Variants in PICALM observed in about 807,000 individuals in gnomAD.
PICALM encodes phosphatidylinositol-binding clathrin assembly protein.
In PICALM, 40 loss-of-function variants were observed where a neutral mutation model predicts 80.5. That is an observed-to-expected ratio of 0.50 (90% CI 0.39 to 0.65). The LOEUF (loss-of-function observed/expected upper bound fraction) is 0.65, where lower values mean the gene tolerates loss of function less well. Ranked by LOEUF, PICALM falls within the 30% of genes least tolerant of loss-of-function variation. The pLI, the probability that PICALM is intolerant of heterozygous loss-of-function variation, is 0.00. For missense variants in PICALM, 676 were observed against 778.9 expected, an observed-to-expected ratio of 0.87 and a Z score of 1.57; for synonymous variants, 288 against 260.3, an observed-to-expected ratio of 1.11 and a Z score of -1.02.
intron 17 of PICALM, chr11:85,978,179 AT>A: frequency 1.8e-6 from 2 of 1,127,820 alleles, no homozygotes; most frequent in Non-Finnish European, 2.7e-6. Context: ...CACAGAGAGC[AT>A]TTTAGTTCAC....
intron 1 of PICALM, among the ~76,000 whole-genome samples, chr11:86,060,253 G>A (rs1034696642): frequency 5.3e-5 from 8 of 152,052 alleles, no homozygotes; most frequent in African/African-American, 1.9e-4. Flanking sequence ...TAAAATTGAG[G>A]AGCCAAGAGC....
rs1436093817 is a variant in PICALM, at chr11:86,035,339, A to G, written c.131-3728T>C. Among the ~76,000 whole-genome samples, 7 of 152,332 alleles carry G rather than the reference A, an allele frequency of 4.6e-5. No individual in the cohort carries two copies. In the South Asian group the frequency reaches 1.0e-3, roughly 23 times the overall value. Reference sequence around the variant, plus strand: ...TCAGGGTTCACTTCTACAGCAAGTCAGGCAACCCAGCCAGTGGCCTGTGCC... The same window carrying G: ...TCAGGGTTCACTTCTACAGCAAGTCGGGCAACCCAGCCAGTGGCCTGTGCC... On this transcript the variant is annotated intron_variant, in intron 1 of 19. Coordinates refer to ENST00000393346, the MANE Select transcript of PICALM (RefSeq NM_007166.4).
At chr11:85,975,295 A>T (rs1403840715) in intron 18 of PICALM, among the ~76,000 whole-genome samples, 1 of 97,356 alleles carries the variant, frequency 1.0e-5, no homozygotes, top group Non-Finnish European at 2.4e-5. Context: ...ATTTTATTTC[A>T]TATAAGAATC....
intron 12 of PICALM, among the ~76,000 whole-genome samples, chr11:85,990,906 AG>A (rs2094750947): frequency 6.6e-6 from 1 of 152,198 alleles, no homozygotes; most frequent in Non-Finnish European, 1.5e-5. Context: ...ATAAAGATGA[AG>A]AAAAAAATCT....
intron 13 of PICALM, 55 bp downstream of exon 13, chr11:85,990,195 A>G (rs2094719155): frequency 1.0e-6 from 1 of 977,808 alleles, no homozygotes; most frequent in African/African-American, 1.6e-5. Context: ...GACACGTAAA[A>G]TATAGTTAGG....
chr11:85,982,343 T>TA (rs1420513851), intron 14 of PICALM, among the ~76,000 whole-genome samples: 3 of 150,500 alleles, frequency 2.0e-5, no homozygotes, highest in Non-Finnish European at 4.4e-5. Flanking sequence ...CACTTATATC[T>TA]AAAGCAATAT....
intron 11 of PICALM, among the ~76,000 whole-genome samples, chr11:85,999,070 A>G (rs1446031187): frequency 6.6e-6 from 1 of 152,236 alleles, no homozygotes; most frequent in Non-Finnish European, 1.5e-5. Context: ...CACCTCAAAC[A>G]TTCATCATTT....
At chr11:86,040,038 TAA>T (rs1313372728) in intron 1 of PICALM, among the ~76,000 whole-genome samples, 2 of 114,140 alleles carry the variant, frequency 1.8e-5, no homozygotes, top group Non-Finnish European at 3.9e-5. Flanking sequence ...GGCAACAAAA[TAA>T]AGTTATGTTG....
At chr11:85,981,329 G>C in intron 16 of PICALM, 101 bp from the exon 17 acceptor site, 1 of 703,618 alleles carries the variant, frequency 1.4e-6, no homozygotes, top group South Asian at 1.8e-5. Flanking sequence ...CTTGAGGCTG[G>C]GCGTGGTGGC....
At chr11:85,962,341 T>C (rs1188801354) in intron 19 of PICALM, among the ~76,000 whole-genome samples, 1 of 152,208 alleles carries the variant, frequency 6.6e-6, no homozygotes, top group Non-Finnish European at 1.5e-5. Context: ...CTGAAGCAGA[T>C]TTTCTTTTTC....
intron 19 of PICALM, among the ~76,000 whole-genome samples, chr11:85,970,402 C>A (rs956436535): frequency 6.6e-6 from 1 of 152,130 alleles, no homozygotes; most frequent in Non-Finnish European, 1.5e-5. Flanking sequence ...AGCATGGAAT[C>A]GAAGAACTTG....
In PICALM at chr11:86,000,742, G is replaced by A. The variant is rs1319107512; in HGVS notation, c.1055C>T (p.Thr352Ile). 1.9e-6 allele frequency: 3 copies of A among 1,613,010 alleles called. No homozygotes were observed. Among genetic ancestry groups the A allele is most frequent in the African/African-American group, 1.3e-5 (1 of 74,998 alleles). ...RLKELAKKPH[T>I]SLTTAASPVS... ...AGGAGAGGCTGCAGTTGTTAAAGAGGTATGAGGTTTCTTTGCAAGTTCTTT... is the reference window on the plus strand; with the variant it reads ...AGGAGAGGCTGCAGTTGTTAAAGAGATATGAGGTTTCTTTGCAAGTTCTTT... The change falls in exon 11 of 20, where the codon ACC becomes ATC. Residue 352 changes from threonine (T) to isoleucine (I), a missense_variant. Coordinates refer to ENST00000393346, the MANE Select transcript of PICALM (RefSeq NM_007166.4).
At chr11:85,992,473 C>A (rs1040009044) in intron 12 of PICALM, among the ~76,000 whole-genome samples, 2 of 151,652 alleles carry the variant, frequency 1.3e-5, no homozygotes, top group East Asian at 3.9e-4. Flanking sequence ...TTAGTAGAGA[C>A]GGGGGTTTCA....
chr11:86,053,093 T>C (rs1211480327), intron 1 of PICALM, among the ~76,000 whole-genome samples: 1 of 152,238 alleles, frequency 6.6e-6, no homozygotes, highest in Non-Finnish European at 1.5e-5. Context: ...GCTATCTGCA[T>C]ACGTCATCTA....
rs2094719052 is a variant in PICALM at position 85,990,191 on chromosome 11, T to TA, written c.1408+58dup. The TA allele has an allele frequency of 3.2e-6, 3 of 938,966 alleles. No individual in the cohort carries two copies. In the African/African-American group the frequency reaches 4.9e-5, roughly 15 times the overall value. 58.2% of individuals were successfully genotyped at this position (938,966 alleles called of 1,614,324 possible). On this transcript the variant is annotated intron_variant, in intron 13 of 19. Transcript: ENST00000393346. ...GCTTTTAAAATAATTAATGGACACG[T>TA]AAAATATAGTTAGGCAGTATAAACA... is the stretch of plus-strand genomic sequence containing the variant.
chr11:86,003,947 T>G (rs2095217579), intron 8 of PICALM, among the ~76,000 whole-genome samples: 1 of 152,216 alleles, frequency 6.6e-6, no homozygotes, highest in African/African-American at 2.4e-5. Context: ...ACATCTGCAG[T>G]ATCAAATGTT....
intron 18 of PICALM, among the ~76,000 whole-genome samples, chr11:85,976,086 T>C (rs1001300435): frequency 2.6e-5 from 4 of 152,000 alleles, no homozygotes; most frequent in African/African-American, 9.7e-5. Context: ...TTGAAGCTAC[T>C]AGCACCATTT....
At chr11:86,017,215 T>C (rs1166671578) in intron 4 of PICALM, among the ~76,000 whole-genome samples, 1 of 88,408 alleles carries the variant, frequency 1.1e-5, no homozygotes, top group South Asian at 3.6e-4. Context: ...AGAGTGAGAC[T>C]CTGTCTCAAA....
chr11:85,987,477 CTAA>C (rs1469473340), intron 13 of PICALM, among the ~76,000 whole-genome samples: 3 of 151,972 alleles, frequency 2.0e-5, no homozygotes, highest in Non-Finnish European at 4.4e-5. Context: ...CTTTTCATTG[CTAA>C]TATTAGACCA....
Sources: allele counts gnomAD v4.1 joint callset (sites outside exome capture counted in the v4.1 genomes callset), GRCh38; gene constraint gnomAD v4.1.1; transcripts MANE v1.5; gene names NCBI Gene and HGNC (gene_info 2026-07-23, HGNC 2026-07-21).